The following CERK variants were observed in gnomAD, a reference collection of about 807,000 sequenced individuals.
CERK encodes acylsphingosine kinase.
In CERK, 39 loss-of-function variants were observed where a neutral mutation model predicts 63.4. The observed-to-expected ratio is 0.61, with a 90% CI of 0.48 to 0.80. The LOEUF is 0.80. Ranked by LOEUF, CERK falls within the 30% of genes least tolerant of loss-of-function variation. CERK has a pLI of 0.00. For synonymous variants in CERK, 302 were observed against 280.0 expected (o/e 1.08, Z -0.78); for missense variants, 670 against 714.1 (o/e 0.94, Z 0.70).
chr22:46,729,157 G>T (rs770964776), intron 1 of CERK, among the ~76,000 whole-genome samples: 2 of 152,186 alleles, frequency 1.3e-5, no homozygotes, highest in East Asian at 3.9e-4. Context: ...GAGGCCAGAA[G>T]ATTGAGACCA....
intron 4 of CERK, among the ~76,000 whole-genome samples, chr22:46,711,572 C>T (rs890517173): frequency 3.3e-5 from 5 of 152,116 alleles, no homozygotes; most frequent in Admixed American, 6.5e-5. Context: ...CAACAGGCCC[C>T]GGTGTGTGAT....
At chr22:46,720,230 C>T (rs772336121) in intron 2 of CERK, 22 bp from the exon 3 acceptor site, 6 of 1,597,928 alleles carry the variant, frequency 3.8e-6, no homozygotes, top group South Asian at 1.1e-5. Context: ...CAAGCATGCT[C>T]GTTAGTGCAA....
chr22:46,692,421 T>A (rs1169549183), intron 10 of CERK, among the ~76,000 whole-genome samples: 3 of 115,156 alleles, frequency 2.6e-5, no homozygotes, highest in Non-Finnish European at 5.2e-5. Flanking sequence ...AGTAAAACTC[T>A]GTCTTAAAAA....
At chr22:46,710,238 A>G (rs1241488266) in intron 5 of CERK, among the ~76,000 whole-genome samples, 1 of 152,208 alleles carries the variant, frequency 6.6e-6, no homozygotes, top group Non-Finnish European at 1.5e-5. Context: ...GTTCGAGACC[A>G]GCCTGGCCAA....
At chr22:46,724,757 C>T (rs992385597) in intron 1 of CERK, among the ~76,000 whole-genome samples, 3 of 152,226 alleles carry the variant, frequency 2.0e-5, no homozygotes, top group Admixed American at 6.5e-5. Context: ...GGGTGGCTCA[C>T]ACCTGTAATC....
At position 46,738,015 on chromosome 22, in the gene CERK, G is replaced by A. The variant is rs2082984225; in HGVS notation, c.134C>T (p.Pro45Leu). Residue 45 changes from proline to leucine, a missense_variant, in exon 1 of 13, where the codon CCC becomes CTC. Physicochemically the swap from Pro to Leu is moderately conservative, Grantham distance 98 (BLOSUM62 -3). Transcript: ENST00000216264. ...WRSPGPGAGA[P>L]GADACSVPVS... ...GCGGCGGCGACACTCACCCGCGCCG[G>A]GGGCGCCGGCTCCGGGCCCCGGGCT... The A allele has an allele frequency of 1.3e-5, 16 of 1,185,750 alleles. No individual in the cohort carries two copies. Among genetic ancestry groups the A allele is most frequent in the Non-Finnish European group, 1.6e-5 (15 of 961,504 alleles). 73.5% of individuals were successfully genotyped at this position (1,185,750 alleles called of 1,614,324 possible). A position where few individuals can be genotyped will look rare whatever the true frequency, so the allele number is the denominator to read the frequency against.
intron 12 of CERK, among the ~76,000 whole-genome samples, chr22:46,688,197 A>C (rs947890617): frequency 6.6e-6 from 1 of 152,154 alleles, no homozygotes; most frequent in Non-Finnish European, 1.5e-5. Flanking sequence ...TCAAAAAATA[A>C]AAAAATAGAA....
chr22:46,715,866 ACAAGCTTAC>A (rs1017214285), intron 3 of CERK, among the ~76,000 whole-genome samples: 1 of 152,196 alleles, frequency 6.6e-6, no homozygotes, highest in Non-Finnish European at 1.5e-5. Flanking sequence ...TCAATAGGAC[ACAAGCTTAC>A]CAGAAAGTTT....
chr22:46,723,046 A>G (rs1484950932), intron 1 of CERK, among the ~76,000 whole-genome samples: 1 of 152,162 alleles, frequency 6.6e-6, no homozygotes, highest in African/African-American at 2.4e-5. Flanking sequence ...TATGACTCTG[A>G]ATAGCTACAA....
intron 5 of CERK, among the ~76,000 whole-genome samples, chr22:46,709,962 G>T (rs2082832268): frequency 6.6e-6 from 1 of 152,074 alleles, no homozygotes; most frequent in Admixed American, 6.6e-5. Flanking sequence ...CTGAAATTAT[G>T]GCCAACAAAA....
intron 8 of CERK, among the ~76,000 whole-genome samples, chr22:46,697,780 C>T (rs2082763494): frequency 6.6e-6 from 1 of 152,256 alleles, no homozygotes; most frequent in Admixed American, 6.5e-5. Context: ...GCTGGGATTA[C>T]AGGCGTGAGC....
intron 8 of CERK, among the ~76,000 whole-genome samples, chr22:46,698,892 CTG>C (rs1415553686): frequency 6.6e-6 from 1 of 152,168 alleles, no homozygotes; most frequent in Non-Finnish European, 1.5e-5. Context: ...CGGAGGAAGA[CTG>C]TGTCTCAAAA....
chr22:46,687,572 G>A (rs934907542), intron 12 of CERK, among the ~76,000 whole-genome samples: 3 of 152,010 alleles, frequency 2.0e-5, no homozygotes, highest in African/African-American at 7.2e-5. Flanking sequence ...TCCAGTGTCT[G>A]CCCACTCCAC....
chr22:46,734,308 TA>T (rs1271449866), intron 1 of CERK, among the ~76,000 whole-genome samples: 2 of 150,126 alleles, frequency 1.3e-5, no homozygotes, highest in Non-Finnish European at 3.0e-5. Flanking sequence ...TGATGAATCT[TA>T]AAAAAAACAA....
chr22:46,737,881 G>A lies in CERK; in HGVS notation c.142+126C>T, dbSNP rs536656906. 1.6e-3 allele frequency: 856 copies of A among 551,482 alleles called. 9 individuals carry two copies. The African/African-American group carries it at 0.016, about 10-fold the overall frequency. The allele number at this position is 551,482 out of a possible 1,614,324, so 34.2% of individuals were successfully genotyped here. On this transcript the variant is annotated intron_variant, in intron 1 of 12. Coordinates refer to ENST00000216264, the MANE Select transcript of CERK (RefSeq NM_022766.6). Reference sequence around the variant, plus strand: ...GCCCCGACCCCTCCCTGGCGCCTGCGCTCCCAGGGCCCCCGGCCTTACCAC... The same window carrying A: ...GCCCCGACCCCTCCCTGGCGCCTGCACTCCCAGGGCCCCCGGCCTTACCAC...
intron 10 of CERK, 90 bp downstream of exon 10, chr22:46,693,337 C>T (rs2082740896): frequency 9.8e-7 from 1 of 1,022,294 alleles, no homozygotes; most frequent in Non-Finnish European, 1.5e-6. Flanking sequence ...CACAGGTGGG[C>T]AGGGAGAAGA....
chr22:46,712,762 C>G (rs2082847699), intron 3 of CERK, among the ~76,000 whole-genome samples: 1 of 152,116 alleles, frequency 6.6e-6, no homozygotes, highest in Non-Finnish European at 1.5e-5. Context: ...AGACAGAAAC[C>G]AGTGACCTCG....
chr22:46,726,922 C>T (rs2082921417), intron 1 of CERK, among the ~76,000 whole-genome samples: 1 of 152,230 alleles, frequency 6.6e-6, no homozygotes, highest in South Asian at 2.1e-4. Flanking sequence ...CCAGCCCTTG[C>T]CTCCGCTGCG....
chr22:46,701,608 C>T (rs16995595), intron 7 of CERK, 28 bp downstream of exon 7: 152,298 of 1,543,922 alleles, frequency 0.099, 8,510 homozygotes, highest in Admixed American at 0.21. Context: ...CGGCTGCCAC[C>T]GTGCGCATGC....
Sources: allele counts gnomAD v4.1 joint callset (sites outside exome capture counted in the v4.1 genomes callset), GRCh38; gene constraint gnomAD v4.1.1; transcripts MANE v1.5; gene names NCBI Gene and HGNC (gene_info 2026-07-23, HGNC 2026-07-21).